ANKS1B: variants seen among roughly 807,000 people sequenced by gnomAD.
ANKS1B encodes ankyrin repeat and sterile alpha motif domain containing 1B, also known as ankyrin repeat and sterile alpha motif domain-containing protein 1B.
In ANKS1B, 36 loss-of-function variants were observed where a neutral mutation model predicts 148.3. The observed-to-expected ratio is 0.24, with a 90% confidence interval of 0.19 to 0.32. The LOEUF is 0.32. Ranked by LOEUF, ANKS1B falls within the 10% of genes least tolerant of loss-of-function variation. The pLI, the probability that ANKS1B is intolerant of heterozygous loss-of-function variation, is 1.00. For missense variants in ANKS1B, 1,157 were observed against 1,542.6 expected (o/e 0.75, Z 4.19); for synonymous variants, 542 against 560.8 (o/e 0.97, Z 0.47).
intron 9 of ANKS1B, among the ~76,000 whole-genome samples, chr12:99,569,238 T>TGTC (rs1427030790): frequency 2.0e-5 from 3 of 152,218 alleles, no homozygotes; most frequent in Non-Finnish European, 2.9e-5. Flanking sequence ...ATGGATGTGC[T>TGTC]GTCTGGAGGC....
intron 1 of ANKS1B, among the ~76,000 whole-genome samples, chr12:99,977,223 A>G (rs894586144): frequency 6.6e-6 from 1 of 152,198 alleles, no homozygotes; most frequent in Non-Finnish European, 1.5e-5. Flanking sequence ...TGCTCACTGC[A>G]GCCTCAAACT....
At chr12:99,350,335 A>T (rs1489302460) in intron 12 of ANKS1B, among the ~76,000 whole-genome samples, 7 of 151,978 alleles carry the variant, frequency 4.6e-5, no homozygotes, top group African/African-American at 1.7e-4. Context: ...ATACAGGCTC[A>T]GGTATTTTTT....
At chr12:98,901,100 G>A (rs2099771362) in intron 17 of ANKS1B, among the ~76,000 whole-genome samples, 1 of 152,136 alleles carries the variant, frequency 6.6e-6, no homozygotes, top group Non-Finnish European at 1.5e-5. Context: ...CCTTGTTTAT[G>A]TGAACCTCTA....
intron 22 of ANKS1B, among the ~76,000 whole-genome samples, chr12:98,789,212 G>A (rs184013777): frequency 2.6e-5 from 4 of 152,182 alleles, no homozygotes; most frequent in Non-Finnish European, 4.4e-5. Context: ...ACGTGGTGAC[G>A]GGCGCCTGTA....
chr12:99,626,861 G>C (rs1404825978), intron 9 of ANKS1B, among the ~76,000 whole-genome samples: 1 of 152,072 alleles, frequency 6.6e-6, no homozygotes, highest in Admixed American at 6.6e-5. Context: ...ATGATCCGAA[G>C]GCACATAAAC....
intron 12 of ANKS1B, among the ~76,000 whole-genome samples, chr12:99,296,256 G>A (rs1026652297): frequency 1.3e-5 from 2 of 152,110 alleles, no homozygotes; most frequent in African/African-American, 4.8e-5. Flanking sequence ...CTTGAAGTCA[G>A]TTGGTGTGTC....
chr12:99,165,877 CT>C (rs2077143228), intron 14 of ANKS1B, among the ~76,000 whole-genome samples: 1 of 151,698 alleles, frequency 6.6e-6, no homozygotes, highest in Non-Finnish European at 1.5e-5. Context: ...TGTAAAAATT[CT>C]TAACAAAATT....
intron 11 of ANKS1B, among the ~76,000 whole-genome samples, chr12:99,410,306 C>G (rs572126682): frequency 6.6e-6 from 1 of 151,464 alleles, no homozygotes; most frequent in Non-Finnish European, 1.5e-5. Context: ...ACCTTATGAA[C>G]GAAGACTTAA....
intron 1 of ANKS1B, among the ~76,000 whole-genome samples, chr12:99,842,849 A>AT (rs2085974563): frequency 6.6e-6 from 1 of 152,156 alleles, no homozygotes; most frequent in Non-Finnish European, 1.5e-5. Flanking sequence ...AGTATATTCT[A>AT]TTTTTTAGGG....
intron 26 of ANKS1B, among the ~76,000 whole-genome samples, chr12:98,748,394 G>A (rs915867887): frequency 5.9e-5 from 9 of 152,104 alleles, no homozygotes; most frequent in African/African-American, 1.7e-4. Context: ...TCCTGGGGCG[G>A]GGCCGGGCTG....
intron 15 of ANKS1B, among the ~76,000 whole-genome samples, chr12:99,086,684 G>A (rs535162678): frequency 3.5e-4 from 53 of 152,286 alleles, no homozygotes; most frequent in Non-Finnish European, 6.9e-4. Context: ...GAATGCAGAA[G>A]TTTACATATT....
chr12:99,678,012 A>G (rs1399121863), intron 8 of ANKS1B, among the ~76,000 whole-genome samples: 1 of 152,118 alleles, frequency 6.6e-6, no homozygotes, highest in African/African-American at 2.4e-5. Context: ...ACCCACTAAA[A>G]CAACTCTGTC....
At chr12:99,387,768 T>C (rs1593694109) in intron 12 of ANKS1B, among the ~76,000 whole-genome samples, 1 of 152,016 alleles carries the variant, frequency 6.6e-6, no homozygotes, top group African/African-American at 2.4e-5. Context: ...TCAGGAAAGT[T>C]AATTTCTGTG....
chr12:99,042,688 C>T (rs1379593063), intron 17 of ANKS1B, among the ~76,000 whole-genome samples: 1 of 152,162 alleles, frequency 6.6e-6, no homozygotes, highest in African/African-American at 2.4e-5. Context: ...ATTTGCAAAG[C>T]ATTGTATAAA....
Position 98,735,589 on chromosome 12 carries a change from GTCTC to G in ANKS1B, c.732_735del (p.Glu244AspfsTer19), listed in dbSNP as rs767290381. On this transcript the variant is annotated frameshift_variant, in exon 10 of 10. Transcript: ENST00000341752. LOFTEE classifies it high-confidence loss of function. ...AATTTTCTGAGTGCCTCCTCAGTGT[GTCTC>G]TCTGATGGTTCCTGCCCGGTATGGC... The G allele has an allele frequency of 2.6e-6, 2 of 774,350 alleles. No homozygotes were observed. The highest frequency in any genetic ancestry group is 4.8e-6 in the Non-Finnish European group (2 of 413,148). 48.0% of individuals were successfully genotyped at this position (774,350 alleles called of 1,614,324 possible).
chr12:99,334,503 A>C (rs1425722019), intron 12 of ANKS1B, among the ~76,000 whole-genome samples: 1 of 152,106 alleles, frequency 6.6e-6, no homozygotes, highest in Non-Finnish European at 1.5e-5. Context: ...CAGAACAAGC[A>C]TTATGATATG....
chr12:99,708,555 G>T (rs1161341995), intron 8 of ANKS1B, among the ~76,000 whole-genome samples: 1 of 152,118 alleles, frequency 6.6e-6, no homozygotes, highest in Non-Finnish European at 1.5e-5. Flanking sequence ...GACTCTTCCA[G>T]CTACTAGTGG....
At chr12:99,805,520 G>C in intron 4 of ANKS1B, among the ~76,000 whole-genome samples, 1 of 151,990 alleles carries the variant, frequency 6.6e-6, no homozygotes, top group East Asian at 1.9e-4. Context: ...CCAGCTACTG[G>C]AGAGGCTGAG....
chr12:99,628,653 A>C (rs2098131289), intron 9 of ANKS1B, among the ~76,000 whole-genome samples: 1 of 152,150 alleles, frequency 6.6e-6, no homozygotes, highest in Non-Finnish European at 1.5e-5. Flanking sequence ...TTTATTCAAA[A>C]ATTAGAGATT....
Sources: gnomAD v4.1 joint callset for allele counts (sites outside exome capture counted in the v4.1 genomes callset) on GRCh38, gnomAD v4.1.1 for gene constraint, MANE v1.5 for transcripts, NCBI Gene and HGNC (gene_info 2026-07-23, HGNC 2026-07-21) for gene names.